The following AKT3 variants were observed in gnomAD, a reference collection of about 807,000 sequenced individuals.
AKT3 encodes RAC-gamma serine/threonine-protein kinase.
Under a neutral mutation model 65.3 loss-of-function variants are expected in AKT3, and 15 were observed. The ratio of observed to expected loss-of-function variants is 0.23; its 90% CI spans 0.15 to 0.35. AKT3 has a LOEUF of 0.35. Among genes scored for constraint, AKT3 ranks in the 10% least tolerant of loss-of-function variants. The pLI is 1.00. For synonymous variants in AKT3, 206 were observed against 183.8 expected, an observed-to-expected ratio of 1.12 and a Z score of -0.98; for missense variants, 243 against 576.5, an observed-to-expected ratio of 0.42 and a Z score of 5.92.
At chr1:243,667,224 T>C (rs1682850120) in intron 3 of AKT3, among the ~76,000 whole-genome samples, 1 of 152,208 alleles carries the variant, frequency 6.6e-6, no homozygotes, top group African/African-American at 2.4e-5. Context: ...GCCCAATGCC[T>C]AAACCTCCCG....
intron 2 of AKT3, among the ~76,000 whole-genome samples, chr1:243,841,918 A>C (rs1470615386): frequency 6.6e-6 from 1 of 152,220 alleles, no homozygotes; most frequent in Non-Finnish European, 1.5e-5. Context: ...CCATAAAAAA[A>C]CTATGTACTG....
chr1:243,781,001 G>T (rs1299101327), intron 2 of AKT3, among the ~76,000 whole-genome samples: 1 of 151,954 alleles, frequency 6.6e-6, no homozygotes, highest in African/African-American at 2.4e-5. Context: ...TTGCAAAGTA[G>T]GGCATAATTC....
chr1:243,793,173 A>G (rs1380330955), intron 2 of AKT3: 2 of 152,228 alleles, frequency 1.3e-5, no homozygotes, highest in African/African-American at 4.8e-5. Context: ...AGCAGCAAAT[A>G]CATGACAAGA....
chr1:243,613,853 T>C (rs1458683210), intron 7 of AKT3, 114 bp from the exon 8 acceptor site: 1 of 611,240 alleles, frequency 1.6e-6, no homozygotes, highest in African/African-American at 1.9e-5. Context: ...AAAAGAATTG[T>C]TATTGTTTAA....
chr1:243,608,624 TGTGTGGATTGTGCTA>T (rs1250040774), intron 8 of AKT3, among the ~76,000 whole-genome samples: 1 of 152,112 alleles, frequency 6.6e-6, no homozygotes, highest in Non-Finnish European at 1.5e-5. Flanking sequence ...TCTTGGTATA[TGTGTGGATTGTGCTA>T]GTGTGAATTG....
At chr1:243,737,110 T>C (rs1271164205) in intron 2 of AKT3, among the ~76,000 whole-genome samples, 1 of 152,114 alleles carries the variant, frequency 6.6e-6, no homozygotes, top group Non-Finnish European at 1.5e-5. Context: ...CCATTCACAG[T>C]GTACCAGGCA....
intron 2 of AKT3, among the ~76,000 whole-genome samples, chr1:243,784,325 G>C (rs978189665): frequency 2.6e-5 from 4 of 151,864 alleles, no homozygotes; most frequent in African/African-American, 9.7e-5. Flanking sequence ...GAATGAGGGG[G>C]TGAGTATGAG....
chr1:243,519,638 G>A (rs1574523965), intron 12 of AKT3, among the ~76,000 whole-genome samples: 1 of 152,144 alleles, frequency 6.6e-6, no homozygotes, highest in African/African-American at 2.4e-5. Flanking sequence ...CTTCACCAGA[G>A]AGTCCTCCTC....
intron 8 of AKT3, among the ~76,000 whole-genome samples, chr1:243,592,115 C>G (rs1676269323): frequency 6.6e-6 from 1 of 152,112 alleles, no homozygotes; most frequent in Non-Finnish European, 1.5e-5. Flanking sequence ...CTGGGCGGAT[C>G]ACGAGGTCAG....
In AKT3 at chr1:243,500,959, A is replaced by AAAT. The variant is rs1156750207; in HGVS notation, c.*4287_*4289dup. 4.4e-6 allele frequency: 1 copy of AAAT among 227,974 alleles called. No individual in the cohort carries two copies. Among genetic ancestry groups the AAAT allele is most frequent in the East Asian group, 6.3e-5 (1 of 15,794 alleles). The allele number at this position is 227,974 out of a possible 1,614,324, so 14.1% of individuals were successfully genotyped here. ...ATTCTGTTTTAGATATACTGTGAAT[A>AAAT]AATTATACAATATTCTAAAAATAGC... On this transcript the variant is annotated 3_prime_UTR_variant, in exon 14 of 14. Transcript: ENST00000673466.
intron 10 of AKT3, among the ~76,000 whole-genome samples, chr1:243,558,323 C>A (rs1260358854): frequency 6.6e-6 from 1 of 151,914 alleles, no homozygotes; most frequent in African/African-American, 2.4e-5. Context: ...TGAGCTAACA[C>A]AATGACTTTG....
At position 243,811,048 on chromosome 1, in the gene AKT3, G is replaced by C. The variant is rs1038067519; in HGVS notation, c.46+32077C>G. On this transcript the variant is annotated intron_variant, in intron 2 of 13. Transcript: ENST00000673466. Reference sequence around the variant, plus strand: ...TCAAAATAATAAGAGCTATTTATGAGAAACCCACAGCCAATATCATACTGA... The same window carrying C: ...TCAAAATAATAAGAGCTATTTATGACAAACCCACAGCCAATATCATACTGA... Among the ~76,000 whole-genome samples, 97 of 152,130 alleles carry C rather than the reference G, an allele frequency of 6.4e-4. 1 individual carries two copies. The highest frequency in any genetic ancestry group is 2.1e-3 in the African/African-American group (89 of 41,506).
At chr1:243,563,263 TA>T (rs1232385854) in intron 10 of AKT3, among the ~76,000 whole-genome samples, 5 of 152,298 alleles carry the variant, frequency 3.3e-5, no homozygotes, top group Non-Finnish European at 7.4e-5. Flanking sequence ...TCCTCTGACA[TA>T]AATTCCAAAA....
intron 2 of AKT3, among the ~76,000 whole-genome samples, chr1:243,735,369 A>G (rs945757059): frequency 6.6e-6 from 1 of 152,198 alleles, no homozygotes; most frequent in African/African-American, 2.4e-5. Context: ...TTCCATTATA[A>G]TCTTATGGGA....
intron 5 of AKT3, among the ~76,000 whole-genome samples, chr1:243,643,038 G>C (rs1408515991): frequency 2.0e-5 from 3 of 152,132 alleles, no homozygotes; most frequent in Non-Finnish European, 4.4e-5. Context: ...ACTTCTCCTG[G>C]TGCTCTTTCT....
intron 2 of AKT3, among the ~76,000 whole-genome samples, chr1:243,753,536 TAA>T (rs892691554): frequency 2.0e-5 from 3 of 152,282 alleles, no homozygotes; most frequent in African/African-American, 7.2e-5. Flanking sequence ...CTGTTTTCAA[TAA>T]AAAACTTCTA....
intron 11 of AKT3, among the ~76,000 whole-genome samples, chr1:243,552,079 CG>C (rs749180411): frequency 2.0e-5 from 3 of 152,028 alleles, no homozygotes; most frequent in Non-Finnish European, 2.9e-5. Flanking sequence ...CACTTGAGGT[CG>C]GGAGTTCAAG....
intron 2 of AKT3, among the ~76,000 whole-genome samples, chr1:243,795,721 T>A (rs963583928): frequency 1.1e-4 from 17 of 151,924 alleles, no homozygotes; most frequent in African/African-American, 3.1e-4. Context: ...TCCACCCGCC[T>A]CGGCCTCCCA....
In AKT3 at chr1:243,499,981, G is replaced by A. The variant is rs1161540311; in HGVS notation, c.*5268C>T. 4.8e-6 allele frequency: 3 copies of A among 628,104 alleles called. No individual in the cohort carries two copies. The highest frequency in any genetic ancestry group is 5.5e-5 in the East Asian group (2 of 36,488). The allele number at this position is 628,104 out of a possible 1,614,324, so 38.9% of individuals were successfully genotyped here. ...GGAGCTGGAGTCTGACTCTAGCTGA[G>A]CAGAGCTCCTGGTGTATGTTTTCAG... On this transcript the variant is annotated 3_prime_UTR_variant, in exon 14 of 14. Transcript: ENST00000673466.
Sources: allele counts gnomAD v4.1 joint callset (sites outside exome capture counted in the v4.1 genomes callset), GRCh38; gene constraint gnomAD v4.1.1; transcripts MANE v1.5; gene names NCBI Gene and HGNC (gene_info 2026-07-23, HGNC 2026-07-21).